Variants in SHC3 observed in about 807,000 individuals in gnomAD.
SHC3 encodes SHC adaptor protein 3.
SHC3 carries 15 observed loss-of-function variants against 60.4 expected under a neutral mutation model. That is an observed-to-expected ratio of 0.25 (90% CI 0.17 to 0.38). SHC3 has a LOEUF of 0.38. SHC3 is among the 10% of genes least tolerant of loss of function. SHC3 has a pLI of 1.00. For synonymous variants in SHC3, 294 were observed against 325.9 expected (o/e 0.90, Z 1.05); for missense variants, 677 against 786.1 (o/e 0.86, Z 1.66).
In SHC3 at chr9:89,046,899, C is replaced by T. The variant is rs1373826183; in HGVS notation, c.1058G>A (p.Gly353Glu). The change falls in exon 8 of 12, where the codon GGG becomes GAG. Residue 353 changes from glycine (G) to glutamate (E), a missense_variant. Transcript: ENST00000375835. Reference protein sequence around the residue: ...NSIPSKMPPPGGFLDTRLKPR... With the variant: ...NSIPSKMPPPEGFLDTRLKPR... ...TTTCAGTCTAGTATCAAGAAAGCCC[C>T]CTGGAGGAGGCATCTTGCTTGGGAT... is the stretch of plus-strand genomic sequence containing the variant. The T allele has an allele frequency of 1.9e-6, 3 of 1,610,418 alleles. No homozygotes were observed. Among genetic ancestry groups the T allele is most frequent in the Non-Finnish European group, 2.5e-6 (3 of 1,178,554 alleles).
rs147607442 is a variant in SHC3, at chr9:89,049,261, A to AAAAACAAAAC, written c.963-2277_963-2268dup. Among the ~76,000 whole-genome samples, 574 of 149,764 alleles carry AAAAACAAAAC rather than the reference A, an allele frequency of 3.8e-3. 4 individuals carry two copies. The highest frequency in any genetic ancestry group is 0.013 in the African/African-American group (514 of 41,068). Reference sequence around the variant, plus strand: ...GAGTGACAGAGCCAGACTCCCTCTTAAAAACAAAACAAAACAAAACAAAAC... The same window carrying AAAAACAAAAC: ...GAGTGACAGAGCCAGACTCCCTCTTAAAAACAAAACAAAACAAAACAAAACAAAACAAAAC... On this transcript the variant is annotated intron_variant, in intron 7 of 11. Coordinates refer to ENST00000375835, the MANE Select transcript of SHC3 (RefSeq NM_016848.6).
intron 2 of SHC3, among the ~76,000 whole-genome samples, chr9:89,108,521 C>CA (rs1246786008): frequency 1.3e-5 from 2 of 150,882 alleles, no homozygotes; most frequent in Admixed American, 1.3e-4. Context: ...AACACTGTCT[C>CA]AAAAAAAATG....
Position 89,012,106 on chromosome 9 carries a change from C to T in SHC3, c.*1341G>A, listed in dbSNP as rs960172808. ...TGTACCCTGTGGGGTCTCACCAGAA[C>T]AAGAGCCACGCTGCCAGCAAGCAAA... On this transcript the variant is annotated 3_prime_UTR_variant, in exon 12 of 12. Transcript: ENST00000375835. 3 of 152,176 alleles carry T rather than the reference C, an allele frequency of 2.0e-5. No individual in the cohort carries two copies. The highest frequency in any genetic ancestry group is 7.2e-5 in the African/African-American group (3 of 41,422). 9.4% of individuals were successfully genotyped at this position (152,176 alleles called of 1,614,324 possible).
chr9:89,159,830 G>A (rs1826678332), intron 1 of SHC3, among the ~76,000 whole-genome samples: 1 of 152,182 alleles, frequency 6.6e-6, no homozygotes, highest in Non-Finnish European at 1.5e-5. Context: ...CTGATTAGAT[G>A]GTGCCCACCC....
At chr9:89,100,462 C>T (rs1373746577) in intron 2 of SHC3, among the ~76,000 whole-genome samples, 2 of 152,150 alleles carry the variant, frequency 1.3e-5, no homozygotes, top group African/African-American at 4.8e-5. Context: ...TGGTCTCAAA[C>T]TCCCGGCCTC....
chr9:89,141,455 T>G lies in SHC3; in HGVS notation c.475-28829A>C, dbSNP rs550018743. Among the ~76,000 whole-genome samples, 3 of 152,332 alleles carry G rather than the reference T, an allele frequency of 2.0e-5. No homozygotes were observed. In the South Asian group the frequency reaches 6.2e-4, roughly 32 times the overall value. ...TTTATGAAGGAGATAAACAGTGATT[T>G]TTACCATTCATTCAACTGGTTTGCA... On this transcript the variant is annotated intron_variant, in intron 1 of 11. Coordinates refer to ENST00000375835, the MANE Select transcript of SHC3 (RefSeq NM_016848.6).
At chr9:89,135,714 T>C (rs190459888) in intron 1 of SHC3, among the ~76,000 whole-genome samples, 2 of 152,276 alleles carry the variant, frequency 1.3e-5, no homozygotes, top group African/African-American at 4.8e-5. Context: ...ACTCTGTTTA[T>C]TCCTGTGAAT....
Position 89,006,044 on chromosome 9 carries a change from C to A in SHC3, c.*7403G>T, listed in dbSNP as rs1401792106. The A allele has an allele frequency of 6.6e-6, 1 of 152,226 alleles. No homozygotes were observed. Among genetic ancestry groups the A allele is most frequent in the Admixed American group, 6.5e-5 (1 of 15,280 alleles). The allele number at this position is 152,226 out of a possible 1,614,324, so 9.4% of individuals were successfully genotyped here. A position where few individuals can be genotyped will look rare whatever the true frequency, so the allele number is the denominator to read the frequency against. ...GATATCCAAAAGTTAGCTCCATAATCAGAAATGCGCACACCACTGTTCTGA... is the reference window on the plus strand; with the variant it reads ...GATATCCAAAAGTTAGCTCCATAATAAGAAATGCGCACACCACTGTTCTGA... On this transcript the variant is annotated 3_prime_UTR_variant, in exon 12 of 12. Transcript: ENST00000375835.
At chr9:89,107,506 G>C (rs766438335) in intron 2 of SHC3, among the ~76,000 whole-genome samples, 1 of 152,236 alleles carries the variant, frequency 6.6e-6, no homozygotes, top group African/African-American at 2.4e-5. Context: ...TTATTCCAAA[G>C]GCGGGATGCA....
intron 1 of SHC3, among the ~76,000 whole-genome samples, chr9:89,166,370 C>T (rs1053622541): frequency 3.3e-5 from 5 of 152,082 alleles, no homozygotes; most frequent in African/African-American, 4.8e-5. Context: ...CAATAGATAC[C>T]CGTTGAATAA....
At chr9:89,109,965 C>T (rs1825922322) in intron 2 of SHC3, 2 of 985,300 alleles carry the variant, frequency 2.0e-6, no homozygotes, top group East Asian at 1.1e-4. Context: ...ATACCTATGC[C>T]TCATTGTTTT....
In SHC3 at chr9:89,031,442, C is replaced by T. The variant is rs117844134; in HGVS notation, c.1656+6551G>A. The stretch of plus-strand genomic sequence containing the variant: ...CCCTTAGGAATCACTCATCTATTTT[C>T]GGTCTCTGTAGATTTTTTCATCCTG... On this transcript the variant is annotated intron_variant, in intron 11 of 11. Transcript: ENST00000375835. 6.0e-3 allele frequency among the ~76,000 whole-genome samples: 915 copies of T among 152,296 alleles called. 5 individuals are homozygous for T. Among genetic ancestry groups the T allele is most frequent in the Non-Finnish European group, 9.8e-3 (666 of 68,014 alleles).
rs989030786 is a variant in SHC3 at position 89,178,112 on chromosome 9, G to C, written c.349C>G (p.Arg117Gly). The C allele has an allele frequency of 1.8e-5, 21 of 1,152,082 alleles. No homozygotes were observed. In the African/African-American group the frequency reaches 2.4e-4, roughly 13 times the overall value. 71.4% of individuals were successfully genotyped at this position (1,152,082 alleles called of 1,614,324 possible). Residue 117 changes from arginine to glycine, a missense_variant, in exon 1 of 12, where the codon CGC (arginine) becomes GGC (glycine). Physicochemically the swap from Arg to Gly is moderately radical, Grantham distance 125 (BLOSUM62 -2). Coordinates refer to ENST00000375835, the MANE Select transcript of SHC3 (RefSeq NM_016848.6). This position sits in a 1 kb window ranked among gnomAD's most constrained non-coding sequence, Gnocchi z 6.9. ...CTGGCGGCGCTCATGGCCGGGGCGC[G>C]GGGCGCCGAGGGCGCACTGCCGTCC... ...APDGSAPSAP[R>G]APAMSAARKG...
At chr9:89,102,294 C>CT (rs1182327325) in intron 2 of SHC3, among the ~76,000 whole-genome samples, 2 of 152,048 alleles carry the variant, frequency 1.3e-5, no homozygotes, top group East Asian at 1.9e-4. Flanking sequence ...TTTCCTCTAT[C>CT]TTTTTTCAGA....
intron 6 of SHC3, among the ~76,000 whole-genome samples, chr9:89,063,495 A>G (rs1587705709): frequency 6.6e-6 from 1 of 152,190 alleles, no homozygotes. Context: ...CACTGGACAC[A>G]TCTACTCTGG....
chr9:89,111,844 G>A (rs1001419542), intron 2 of SHC3, among the ~76,000 whole-genome samples: 1 of 152,172 alleles, frequency 6.6e-6, no homozygotes, highest in African/African-American at 2.4e-5. Context: ...AGTACCAAAT[G>A]AACCTAAGCT....
In SHC3 at chr9:89,075,163, G is replaced by A. The variant is rs753611918; in HGVS notation, c.675C>T (p.Ile225=). The change falls in exon 4 of 12, where the codon ATC becomes ATT. Residue 225 remains isoleucine (I), a synonymous_variant. Coordinates refer to ENST00000375835, the MANE Select transcript of SHC3 (RefSeq NM_016848.6). ...KSNLQFAGMS[I]SLTISTASLN... ...GACTGGCCGTGGAGATGGTCAGAGA[G>A]ATGCTCATTCCCGCAAACTGGAGGT... 1.2e-5 allele frequency: 20 copies of A among 1,614,020 alleles called. No homozygotes were observed. Among genetic ancestry groups the A allele is most frequent in the Non-Finnish European group, 1.7e-5 (20 of 1,179,920 alleles).
rs533349940 is a variant in SHC3, at chr9:89,094,950, C to A, written c.546-17047G>T. Among the ~76,000 whole-genome samples, 9 of 152,130 alleles carry A rather than the reference C, an allele frequency of 5.9e-5. No individual in the cohort carries two copies. In the East Asian group the frequency reaches 1.4e-3, roughly 23 times the overall value. The stretch of plus-strand genomic sequence containing the variant: ...TAACAACAACAACAAAAAAAACCAA[C>A]CAAACAAACAAACAAAAAACAGGAA... On this transcript the variant is annotated intron_variant, in intron 2 of 11. Coordinates refer to ENST00000375835, the MANE Select transcript of SHC3 (RefSeq NM_016848.6).
chr9:89,112,443 G>T, intron 2 of SHC3, 113 bp downstream of exon 2: 1 of 1,101,784 alleles, frequency 9.1e-7, no homozygotes. Flanking sequence ...ACTGTCACCA[G>T]CCACTAACCC....
Sources: allele counts gnomAD v4.1 joint callset (sites outside exome capture counted in the v4.1 genomes callset), GRCh38; gene constraint gnomAD v4.1.1; non-coding constraint Gnocchi (gnomAD v3.1); transcripts MANE v1.5; gene names NCBI Gene and HGNC (gene_info 2026-07-23, HGNC 2026-07-21).